Variants in ARSH observed in about 807,000 individuals in gnomAD.
ARSH encodes arylsulfatase H.
A neutral mutation model predicts 28.7 loss-of-function variants in ARSH; 32 were observed. The ratio of observed to expected loss-of-function variants is 1.11; its 90% CI spans 0.84 to 1.50. The LOEUF (loss-of-function observed/expected upper bound fraction) is 1.50. Among genes scored for constraint, ARSH ranks in the 40% most tolerant of loss-of-function variants. ARSH has a pLI of 0.00. For missense variants in ARSH, 440 were observed against 452.4 expected (o/e 0.97, Z 0.25); for synonymous variants, 176 against 177.3 (o/e 0.99, Z 0.06).
intron 2 of ARSH, 127 bp from the exon 3 acceptor site, chrX:3,012,920 A>G: frequency 1.2e-6 from 1 of 837,725 alleles, no homozygotes; most frequent in Admixed American, 3.3e-5. Flanking sequence ...TACAGCCAGA[A>G]AGCAACAGAA....
chrX:3,033,121 C>A lies in ARSH; in HGVS notation c.1425C>A (p.Thr475=). 1 of 1,211,200 alleles carries A rather than the reference C, an allele frequency of 8.3e-7. No individual in the cohort carries two copies. The highest frequency in any genetic ancestry group is 3.0e-5 in the East Asian group (1 of 33,813). ...SGICSCSGDV[T]YHDPPLLFDI... is the part of the protein sequence containing the mutation. ...TATGTTCATGTTCGGGGGATGTAAC[C>A]TACCACGACCCACCACTCCTCTTTG... Residue 475 remains threonine (T), a synonymous_variant, in exon 9 of 9, where the codon ACC becomes ACA. Coordinates refer to ENST00000381130, the MANE Select transcript of ARSH (RefSeq NM_001011719.2).
chrX:3,021,881 TTGTGTGTGTG>T (rs3032484), intron 5 of ARSH, among the ~76,000 whole-genome samples: 269 of 94,257 alleles, frequency 2.9e-3, no homozygotes, highest in African/African-American at 0.01. Flanking sequence ...TCTGGCCAAT[TTGTGTGTGTG>T]TGTGTGTGTG....
chrX:3,029,914 A>G (rs1407124865), intron 8 of ARSH, among the ~76,000 whole-genome samples: 3 of 111,388 alleles, frequency 2.7e-5, no homozygotes, highest in Non-Finnish European at 3.8e-5. Context: ...ATATTTATAA[A>G]ATAGAGACAA....
At chrX:3,032,860 G>A (rs1375543654) in intron 8 of ARSH, among the ~76,000 whole-genome samples, 158 bp from the exon 9 acceptor site, 1 of 112,098 alleles carries the variant, frequency 8.9e-6, no homozygotes, top group East Asian at 2.8e-4. Flanking sequence ...ATTGTGCATT[G>A]TTCTTAGAGT....
At chrX:3,020,505 C>T (rs1437530173) in intron 5 of ARSH, among the ~76,000 whole-genome samples, 7 of 96,358 alleles carry the variant, frequency 7.3e-5, no homozygotes, top group South Asian at 1.1e-3. Context: ...AGGAGAATGG[C>T]GTGAACCTGG....
chrX:3,013,171 A>G lies in ARSH; in HGVS notation c.339A>G (p.Ile113Met). The G allele has an allele frequency of 1.7e-6, 2 of 1,204,234 alleles. No homozygotes were observed. Among genetic ancestry groups the G allele is most frequent in the Non-Finnish European group, 1.1e-6 (1 of 892,224 alleles). Residue 113 changes from isoleucine to methionine, a missense_variant and splice_region_variant, in exon 3 of 9, where the codon ATA (isoleucine) becomes ATG (methionine). Ile to Met is a conservative substitution (Grantham distance 10). Coordinates refer to ENST00000381130, the MANE Select transcript of ARSH (RefSeq NM_001011719.2). ...ACCGTGGCTACCGCACGGGACTCAT[A>G]GGTATGGCGCCGGAACTCTGCCCGT... Reference protein sequence around the residue: ...LQHRGYRTGLIGKWHLGLSCA... With the variant: ...LQHRGYRTGLMGKWHLGLSCA...
At position 3,029,545 on chromosome X, in the gene ARSH, T is replaced by G. The variant is rs181868637; in HGVS notation, c.1321+177T>G. ...TAGGATTTTATTTTATTTTATTTTA[T>G]TTTGAGATAGGGTCTCACTCTGTCA... On this transcript the variant is annotated intron_variant, in intron 8 of 8. Transcript: ENST00000381130. Among the ~76,000 whole-genome samples the G allele has an allele frequency of 1.6e-4, 18 of 111,571 alleles. No homozygotes were observed. In the East Asian group the frequency reaches 2.8e-3, roughly 17 times the overall value.
intron 5 of ARSH, among the ~76,000 whole-genome samples, chrX:3,020,274 C>CAAAAAAAAAA (rs59713321): frequency 2.9e-4 from 4 of 13,845 alleles, no homozygotes; most frequent in African/African-American, 1.8e-3. Context: ...GACCCCGTCT[C>CAAAAAAAAAA]AAAAAAAAAA....
chrX:3,017,937 G>C (rs1361717326), intron 4 of ARSH, among the ~76,000 whole-genome samples: 1 of 112,463 alleles, frequency 8.9e-6, no homozygotes, highest in Non-Finnish European at 1.9e-5. Flanking sequence ...GATTTATTAA[G>C]CTGCTACTTT....
intron 8 of ARSH, among the ~76,000 whole-genome samples, chrX:3,030,701 A>T (rs907632454): frequency 8.9e-6 from 1 of 111,732 alleles, no homozygotes; most frequent in African/African-American, 3.3e-5. Context: ...CCCATATTCA[A>T]TTATCTCCAC....
At position 3,019,526 on chromosome X, in the gene ARSH, T is replaced by C. The variant is rs568015752; in HGVS notation, c.901+856T>C. 4.9e-4 allele frequency among the ~76,000 whole-genome samples: 54 copies of C among 111,235 alleles called. 1 individual carries two copies. In the South Asian group the frequency reaches 0.018, roughly 37 times the overall value. On this transcript the variant is annotated intron_variant, in intron 5 of 8. Coordinates refer to ENST00000381130, the MANE Select transcript of ARSH (RefSeq NM_001011719.2). ...ATAGCTGTGCTAGTTGAATTGCATTTGCCCACCCCCGCCTCTATGTACGTG... is the reference window on the plus strand; with the variant it reads ...ATAGCTGTGCTAGTTGAATTGCATTCGCCCACCCCCGCCTCTATGTACGTG...
intron 5 of ARSH, among the ~76,000 whole-genome samples, chrX:3,020,568 G>C (rs1191806810): frequency 2.6e-5 from 2 of 75,644 alleles, no homozygotes; most frequent in Non-Finnish European, 4.6e-5. Context: ...CAGCCTGGGC[G>C]ACAGAGCCAG....
chrX:3,030,715 G>A (rs752364458), intron 8 of ARSH, among the ~76,000 whole-genome samples: 5 of 111,698 alleles, frequency 4.5e-5, no homozygotes, highest in Admixed American at 9.6e-5. Context: ...TCTCCACTTG[G>A]CTCTGCCCTT....
At chrX:3,013,797 A>G (rs1271758078) in intron 3 of ARSH, among the ~76,000 whole-genome samples, 3 of 111,189 alleles carry the variant, frequency 2.7e-5, no homozygotes, top group Non-Finnish European at 5.7e-5. Context: ...AGATATCCCC[A>G]GTTAAAAAAA....
chrX:3,012,973 A>T (rs2089855047), intron 2 of ARSH, 74 bp from the exon 3 acceptor site: 3 of 1,125,530 alleles, frequency 2.7e-6, no homozygotes, highest in Non-Finnish European at 3.6e-6. Flanking sequence ...GGAGGAGAGG[A>T]CTTTAAGCAT....
chrX:3,020,543 T>A (rs755080390), intron 5 of ARSH, among the ~76,000 whole-genome samples: 5 of 92,121 alleles, frequency 5.4e-5, no homozygotes, highest in Non-Finnish European at 1.0e-4. Flanking sequence ...GAGCCGAGAT[T>A]GTGCCACTGC....
intron 1 of ARSH, among the ~76,000 whole-genome samples, chrX:3,009,277 G>C (rs750925489): frequency 5.4e-5 from 6 of 110,202 alleles, no homozygotes; most frequent in Non-Finnish European, 1.1e-4. Flanking sequence ...AGGAGTTCAA[G>C]ACTAGCTTGG....
chrX:3,026,476 C>T (rs2089899009), intron 6 of ARSH, among the ~76,000 whole-genome samples: 1 of 111,301 alleles, frequency 9.0e-6, no homozygotes, highest in African/African-American at 3.3e-5. Flanking sequence ...CAGGTGCGCA[C>T]GTAGAAGACA....
At position 3,008,854 on chromosome X, in the gene ARSH, C is replaced by T. The variant is rs184875221; in HGVS notation, c.93-1176C>T. Among the ~76,000 whole-genome samples the T allele has an allele frequency of 1.7e-3, 185 of 110,583 alleles. 1 individual carries two copies. The highest frequency in any genetic ancestry group is 5.8e-3 in the African/African-American group (176 of 30,445). On this transcript the variant is annotated intron_variant, in intron 1 of 8. Transcript: ENST00000381130. Reference sequence around the variant, plus strand: ...CCTCCCAAAGTGCTGGGGTTACAGGCGTGAGCCATCACACTCAGCCTCCAT... The same window carrying T: ...CCTCCCAAAGTGCTGGGGTTACAGGTGTGAGCCATCACACTCAGCCTCCAT...
Sources: gnomAD v4.1 joint callset for allele counts (sites outside exome capture counted in the v4.1 genomes callset) on GRCh38, gnomAD v4.1.1 for gene constraint, MANE v1.5 for transcripts, NCBI Gene and HGNC (gene_info 2026-07-23, HGNC 2026-07-21) for gene names.